Variants in BTF3L4 observed in about 807,000 individuals in gnomAD.
The protein encoded by BTF3L4 is transcription factor BTF3 homolog 4.
BTF3L4 carries 6 observed loss-of-function variants against 16.8 expected under a neutral mutation model. The ratio of observed to expected loss-of-function variants is 0.36; its 90% CI spans 0.20 to 0.71. The LOEUF is 0.71. Ranked by LOEUF, BTF3L4 falls within the 30% of genes least tolerant of loss-of-function variation. The pLI, the probability that BTF3L4 is intolerant of heterozygous loss-of-function variation, is 0.58. For missense variants in BTF3L4, 92 were observed against 186.9 expected (o/e 0.49, Z 2.96); for synonymous variants, 39 against 59.8 (o/e 0.65, Z 1.60).
At chr1:52,065,762 G>A (rs193071431) in intron 3 of BTF3L4, among the ~76,000 whole-genome samples, 1 of 152,212 alleles carries the variant, frequency 6.6e-6, no homozygotes, top group Admixed American at 6.5e-5. Flanking sequence ...AGTCAGCCGG[G>A]TGCAGTGGCT....
chr1:52,088,986 C>T lies in BTF3L4; in HGVS notation c.*2228C>T, dbSNP rs1643996424. On this transcript the variant is annotated 3_prime_UTR_variant, in exon 6 of 6. Coordinates refer to ENST00000313334, the MANE Select transcript of BTF3L4 (RefSeq NM_152265.5). ...TGTTGCCCAGGCCGGTCTTGAATTCCTGTCCTCAGGTGATTCATTTGCCTC... is the reference window on the plus strand; with the variant it reads ...TGTTGCCCAGGCCGGTCTTGAATTCTTGTCCTCAGGTGATTCATTTGCCTC... 1 of 149,898 alleles carries T rather than the reference C, an allele frequency of 6.7e-6. No individual in the cohort carries two copies. The highest frequency in any genetic ancestry group is 6.7e-5 in the Admixed American group (1 of 14,948). The allele number at this position is 149,898 out of a possible 1,614,324, so 9.3% of individuals were successfully genotyped here. A position where few individuals can be genotyped will look rare whatever the true frequency, so the allele number is the denominator to read the frequency against.
At chr1:52,057,955 G>C (rs2124408224) in intron 1 of BTF3L4, among the ~76,000 whole-genome samples, 1 of 152,230 alleles carries the variant, frequency 6.6e-6, no homozygotes. Context: ...TGTTCTCTTG[G>C]GAATTGTTAC....
intron 3 of BTF3L4, among the ~76,000 whole-genome samples, chr1:52,071,945 G>A (rs1164153948): frequency 6.8e-6 from 1 of 148,080 alleles, no homozygotes; most frequent in African/African-American, 2.5e-5. Context: ...GTGTGTGTGT[G>A]TGTGTGTGTG....
In BTF3L4 at chr1:52,068,095, CTT is replaced by C. The variant is rs1400550682; in HGVS notation, c.168+3159_168+3160del. Among the ~76,000 whole-genome samples the C allele has an allele frequency of 9.2e-5, 14 of 152,136 alleles. 1 individual carries two copies. The highest frequency in any genetic ancestry group is 3.1e-4 in the African/African-American group (13 of 41,418). On this transcript the variant is annotated intron_variant, in intron 3 of 5. Coordinates refer to ENST00000313334, the MANE Select transcript of BTF3L4 (RefSeq NM_152265.5). The stretch of plus-strand genomic sequence containing the variant: ...AAAGTTTTTGTTCAGATTTGGAAGA[CTT>C]TATGCCTCTCATAATTAGTAAAACT...
chr1:52,056,666 G>A (rs1426959444), intron 1 of BTF3L4, among the ~76,000 whole-genome samples: 1 of 152,252 alleles, frequency 6.6e-6, no homozygotes, highest in Non-Finnish European at 1.5e-5. Context: ...CCCCTCCTCT[G>A]TTCCATTACT....
At chr1:52,080,440 G>A (rs1378509294) in intron 3 of BTF3L4, among the ~76,000 whole-genome samples, 1 of 143,896 alleles carries the variant, frequency 6.9e-6, no homozygotes, top group Non-Finnish European at 1.5e-5. Context: ...TTTAATGTCT[G>A]TAAATAAAAA....
At chr1:52,071,288 GTA>G (rs1010196064) in intron 3 of BTF3L4, 1 of 152,164 alleles carries the variant, frequency 6.6e-6, no homozygotes, top group African/African-American at 2.4e-5. Context: ...CTTAATCAGG[GTA>G]TAATTCAGCC....
At chr1:52,060,603 C>G (rs1686484316) in intron 2 of BTF3L4, 1 of 1,124,158 alleles carries the variant, frequency 8.9e-7, no homozygotes, top group Admixed American at 3.5e-5. Flanking sequence ...TATCTCTGCC[C>G]AACACAATCT....
intron 3 of BTF3L4, among the ~76,000 whole-genome samples, chr1:52,080,840 T>C (rs1372026641): frequency 2.1e-5 from 3 of 144,992 alleles, no homozygotes; most frequent in Admixed American, 6.9e-5. Context: ...GGCCTTCTTT[T>C]TTTTTTTTTT....
intron 3 of BTF3L4, among the ~76,000 whole-genome samples, chr1:52,073,284 C>CA (rs1200935815): frequency 1.3e-5 from 2 of 149,404 alleles, no homozygotes; most frequent in Admixed American, 6.7e-5. Context: ...AACTCCGTCT[C>CA]AAAAAAAAAT....
At chr1:52,085,082 A>G (rs916810051) in intron 4 of BTF3L4, among the ~76,000 whole-genome samples, 15 of 118,830 alleles carry the variant, frequency 1.3e-4, no homozygotes, top group Non-Finnish European at 1.9e-4. Flanking sequence ...GTGCAGTGGC[A>G]TGATCTTGGC....
At chr1:52,066,414 C>G (rs1181693488) in intron 3 of BTF3L4, among the ~76,000 whole-genome samples, 1 of 150,634 alleles carries the variant, frequency 6.6e-6, no homozygotes, top group Non-Finnish European at 1.5e-5. Context: ...GTTGGCCAGG[C>G]TGGTTTCAAA....
chr1:52,063,174 G>C (rs1348703614), intron 2 of BTF3L4, among the ~76,000 whole-genome samples: 1 of 152,070 alleles, frequency 6.6e-6, no homozygotes, highest in Non-Finnish European at 1.5e-5. Flanking sequence ...GGGGGTAAAG[G>C]GCATGCAGAA....
intron 3 of BTF3L4, among the ~76,000 whole-genome samples, chr1:52,079,612 G>C (rs1230831936): frequency 6.6e-6 from 1 of 152,010 alleles, no homozygotes; most frequent in Non-Finnish European, 1.5e-5. Flanking sequence ...TTTCAAACTA[G>C]AAAGACCTAT....
chr1:52,074,709 G>C (rs1397079193), intron 3 of BTF3L4, among the ~76,000 whole-genome samples: 5 of 149,236 alleles, frequency 3.4e-5, no homozygotes, highest in Admixed American at 3.3e-4. Flanking sequence ...GGTTTTCACT[G>C]TTTTGGCCAG....
intron 2 of BTF3L4, 26 bp downstream of exon 2, chr1:52,059,927 T>C: frequency 6.3e-7 from 1 of 1,596,584 alleles, no homozygotes; most frequent in Non-Finnish European, 8.6e-7. Context: ...GAAAAATTGA[T>C]AGGAGAATGT....
At chr1:52,073,863 T>G (rs1232958324) in intron 3 of BTF3L4, among the ~76,000 whole-genome samples, 1 of 151,762 alleles carries the variant, frequency 6.6e-6, no homozygotes, top group Non-Finnish European at 1.5e-5. Flanking sequence ...CCGGGCGTGG[T>G]GGTGGGCGTC....
chr1:52,080,539 T>G (rs944830573), intron 3 of BTF3L4, among the ~76,000 whole-genome samples: 6 of 131,026 alleles, frequency 4.6e-5, no homozygotes, highest in Admixed American at 2.4e-4. Context: ...TTTTTTTTTT[T>G]TTTTTTTTTT....
chr1:52,064,783 C>T, intron 2 of BTF3L4, 42 bp from the exon 3 acceptor site: 1 of 1,281,438 alleles, frequency 7.8e-7, no homozygotes, highest in Non-Finnish European at 1.1e-6. Flanking sequence ...TGCCAGATGC[C>T]AGGCATGCTA....
Sources: gnomAD v4.1 joint callset for allele counts (sites outside exome capture counted in the v4.1 genomes callset) on GRCh38, gnomAD v4.1.1 for gene constraint, MANE v1.5 for transcripts, NCBI Gene and HGNC (gene_info 2026-07-23, HGNC 2026-07-21) for gene names.